Variants in HERC5 observed in about 807,000 individuals in gnomAD.
The protein encoded by HERC5 is E3 ISG15--protein ligase HERC5.
Under a neutral mutation model 119.6 loss-of-function variants are expected in HERC5, and 99 were observed. The observed-to-expected ratio is 0.83, with a 90% confidence interval of 0.70 to 0.98. The LOEUF is 0.98. HERC5 is among the 50% of genes least tolerant of loss of function. HERC5 has a pLI of 0.00. For missense variants in HERC5, 1,267 were observed against 1,241.3 expected (o/e 1.02, Z -0.31); for synonymous variants, 478 against 445.9 (o/e 1.07, Z -0.91).
intron 13 of HERC5, among the ~76,000 whole-genome samples, chr4:88,484,682 T>C (rs1302592179): frequency 1.3e-5 from 2 of 152,204 alleles, no homozygotes; most frequent in Non-Finnish European, 2.9e-5. Flanking sequence ...CCTTACCTGA[T>C]GGTTTAACCC....
intron 13 of HERC5, among the ~76,000 whole-genome samples, chr4:88,479,849 C>G (rs796927408): frequency 5.9e-5 from 9 of 152,110 alleles, no homozygotes; most frequent in African/African-American, 2.2e-4. Flanking sequence ...GGGCGGATCA[C>G]GAGGTCAGGA....
chr4:88,498,802 C>A (rs1363477386), intron 18 of HERC5, among the ~76,000 whole-genome samples: 1 of 152,186 alleles, frequency 6.6e-6, no homozygotes, highest in Admixed American at 6.5e-5. Context: ...AACTCTTGAC[C>A]TCAAGTGATC....
rs769444549 is a variant in HERC5, at chr4:88,489,184, T to G, written c.1981T>G (p.Tyr661Asp). Reference sequence around the variant, plus strand: ...TTCCTAGAGTAAAAAACATAAAGCTTATCTTAGGTCGGCAGCAATTGAGGA... The same window carrying G: ...TTCCTAGAGTAAAAAACATAAAGCTGATCTTAGGTCGGCAGCAATTGAGGA... Reference protein sequence around the residue: ...LKIESKKHKAYLRSAAIEEER... With the variant: ...LKIESKKHKADLRSAAIEEER... Residue 661 changes from tyrosine to aspartate, a missense_variant, in exon 16 of 23, where the codon TAT becomes GAT. By Grantham distance (160) the Tyr-to-Asp change is radical. Transcript: ENST00000264350. 6.2e-7 allele frequency: 1 copy of G among 1,611,478 alleles called. No individual in the cohort carries two copies. The highest frequency in any genetic ancestry group is 8.5e-7 in the Non-Finnish European group (1 of 1,179,262).
intron 1 of HERC5, among the ~76,000 whole-genome samples, chr4:88,459,116 A>G (rs1348584554): frequency 6.6e-6 from 1 of 152,232 alleles, no homozygotes; most frequent in Non-Finnish European, 1.5e-5. Flanking sequence ...TGTTCCATTT[A>G]CAACAAAGTA....
At chr4:88,489,804 T>C (rs1357952363) in intron 16 of HERC5, among the ~76,000 whole-genome samples, 1 of 151,984 alleles carries the variant, frequency 6.6e-6, no homozygotes, top group East Asian at 1.9e-4. Flanking sequence ...AGGTCAGGAG[T>C]TCGAGACCAG....
intron 12 of HERC5, among the ~76,000 whole-genome samples, chr4:88,477,549 G>A (rs1411267885): frequency 7.5e-5 from 8 of 107,218 alleles, no homozygotes; most frequent in African/African-American, 2.8e-4. Flanking sequence ...GGGGAAGTGG[G>A]GGAGGGGAAG....
intron 16 of HERC5, among the ~76,000 whole-genome samples, chr4:88,492,790 A>G (rs1000302500): frequency 3.5e-4 from 53 of 152,122 alleles, no homozygotes; most frequent in African/African-American, 1.3e-3. Flanking sequence ...CCACCTGACT[A>G]TTGTATAAAC....
chr4:88,490,052 G>A (rs1297924275), intron 16 of HERC5, among the ~76,000 whole-genome samples: 2 of 152,136 alleles, frequency 1.3e-5, no homozygotes, highest in East Asian at 3.9e-4. Flanking sequence ...GTAGAAAAGA[G>A]AATTTTCTCT....
chr4:88,467,565 A>G (rs1740715744), intron 7 of HERC5, among the ~76,000 whole-genome samples: 2 of 152,246 alleles, frequency 1.3e-5, no homozygotes, highest in African/African-American at 4.8e-5. Flanking sequence ...ATCCACAGTC[A>G]TATAAAACCC....
chr4:88,492,122 G>C (rs1741658799), intron 16 of HERC5, among the ~76,000 whole-genome samples: 1 of 151,964 alleles, frequency 6.6e-6, no homozygotes, highest in Non-Finnish European at 1.5e-5. Flanking sequence ...TCCTGCCTCA[G>C]CCTCCTGAGT....
chr4:88,492,956 C>A, intron 16 of HERC5, 56 bp from the exon 17 acceptor site: 1 of 1,534,156 alleles, frequency 6.5e-7, no homozygotes, highest in South Asian at 1.2e-5. Flanking sequence ...AATGAGACTT[C>A]ATATATAGCA....
chr4:88,486,628 G>A (rs1221338096), intron 14 of HERC5, among the ~76,000 whole-genome samples: 2 of 152,134 alleles, frequency 1.3e-5, no homozygotes, highest in African/African-American at 4.8e-5. Context: ...GGCTCCTGCT[G>A]CCAAGGTAGC....
intron 9 of HERC5, 62 bp downstream of exon 9, chr4:88,469,322 G>GT (rs1740785293): frequency 1.9e-6 from 2 of 1,079,650 alleles, no homozygotes; most frequent in Admixed American, 3.5e-5. Flanking sequence ...TCCCAAACTG[G>GT]TTCTGCACAG....
At chr4:88,492,531 G>A (rs1162298295) in intron 16 of HERC5, among the ~76,000 whole-genome samples, 1 of 151,548 alleles carries the variant, frequency 6.6e-6, no homozygotes, top group Non-Finnish European at 1.5e-5. Flanking sequence ...ATCACTTGAG[G>A]TCAGGAGTTC....
intron 20 of HERC5, among the ~76,000 whole-genome samples, chr4:88,502,096 C>A (rs1741965546): frequency 6.6e-6 from 1 of 152,174 alleles, no homozygotes; most frequent in Non-Finnish European, 1.5e-5. Flanking sequence ...CTGCGCCCGG[C>A]CTATCTGTAG....
intron 13 of HERC5, among the ~76,000 whole-genome samples, chr4:88,480,322 T>C (rs2149098148): frequency 6.6e-6 from 1 of 152,346 alleles, no homozygotes; most frequent in East Asian, 1.9e-4. Context: ...TCCAGATTAA[T>C]GCTTATGGCT....
rs138498285 is a variant in HERC5 at position 88,460,245 on chromosome 4, A to G, written c.466+74A>G. 2.4e-3 allele frequency: 1,667 copies of G among 693,618 alleles called. 5 individuals carry two copies. Among genetic ancestry groups the G allele is most frequent in the Non-Finnish European group, 3.3e-3 (1,346 of 404,090 alleles). The allele number at this position is 693,618 out of a possible 1,614,324, so 43.0% of individuals were successfully genotyped here. A position where few individuals can be genotyped will look rare whatever the true frequency, so the allele number is the denominator to read the frequency against. On this transcript the variant is annotated intron_variant, in intron 3 of 22. Coordinates refer to ENST00000264350, the MANE Select transcript of HERC5 (RefSeq NM_016323.4). Reference sequence around the variant, plus strand: ...TATATGTGGAGCCAGTAGAATGTCTATATTTCACTTGTAACAGGACAGAAA... The same window carrying G: ...TATATGTGGAGCCAGTAGAATGTCTGTATTTCACTTGTAACAGGACAGAAA...
chr4:88,489,885 T>C (rs1220480282), intron 16 of HERC5, among the ~76,000 whole-genome samples: 3 of 151,980 alleles, frequency 2.0e-5, no homozygotes, highest in Non-Finnish European at 4.4e-5. Flanking sequence ...GGTGGGTGCC[T>C]GTAATCCCAG....
intron 11 of HERC5, among the ~76,000 whole-genome samples, chr4:88,474,363 C>T (rs1255091467): frequency 6.6e-6 from 1 of 152,138 alleles, no homozygotes; most frequent in Non-Finnish European, 1.5e-5. Context: ...TTCGAGGCAG[C>T]TAGAAAAGCG....
Sources: allele counts gnomAD v4.1 joint callset (sites outside exome capture counted in the v4.1 genomes callset), GRCh38; gene constraint gnomAD v4.1.1; transcripts MANE v1.5; gene names NCBI Gene and HGNC (gene_info 2026-07-23, HGNC 2026-07-21).